Variants in RAB23 observed in about 807,000 individuals in gnomAD.
RAB23 encodes the protein ras-related protein Rab-23.
A neutral mutation model predicts 30.0 loss-of-function variants in RAB23; 15 were observed. The ratio of observed to expected loss-of-function variants is 0.50; its 90% CI spans 0.33 to 0.77. The LOEUF is 0.77. Among genes scored for constraint, RAB23 ranks in the 30% least tolerant of loss-of-function variants. The pLI, the probability that RAB23 is intolerant of heterozygous loss-of-function variation, is 0.02. For missense variants in RAB23, 243 were observed against 275.4 expected (o/e 0.88, Z 0.83); for synonymous variants, 93 against 94.0 (o/e 0.99, Z 0.06).
At chr6:57,214,054 A>G (rs892527466) in intron 1 of RAB23, among the ~76,000 whole-genome samples, 5 of 152,032 alleles carry the variant, frequency 3.3e-5, no homozygotes, top group African/African-American at 1.2e-4. Context: ...GCATCCCTAG[A>G]GACCATGTGG....
At chr6:57,215,428 A>C (rs1044417387) in intron 1 of RAB23, among the ~76,000 whole-genome samples, 6 of 152,250 alleles carry the variant, frequency 3.9e-5, no homozygotes, top group Non-Finnish European at 8.8e-5. Flanking sequence ...GGATGGGGAA[A>C]AGTAATTTGA....
At chr6:57,213,237 C>A (rs956992891) in intron 1 of RAB23, among the ~76,000 whole-genome samples, 4 of 152,310 alleles carry the variant, frequency 2.6e-5, no homozygotes, top group African/African-American at 9.6e-5. Flanking sequence ...GTAATGCTCG[C>A]AGCCACTCAC....
At position 57,189,993 on chromosome 6, in the gene RAB23, G is replaced by T. The variant is rs576125596; in HGVS notation, c.*468C>A. On this transcript the variant is annotated 3_prime_UTR_variant, in exon 7 of 7. Coordinates refer to ENST00000468148, the MANE Select transcript of RAB23 (RefSeq NM_016277.5). ...CAATGCCAAAATACTAATGCAGTCTGGCAAGATTTAGGGTTTACCTTTCAG... is the reference window on the plus strand; with the variant it reads ...CAATGCCAAAATACTAATGCAGTCTTGCAAGATTTAGGGTTTACCTTTCAG... 4.4e-4 allele frequency: 88 copies of T among 198,372 alleles called. No individual in the cohort carries two copies. The highest frequency in any genetic ancestry group is 2.0e-3 in the African/African-American group (85 of 42,152). 12.3% of individuals were successfully genotyped at this position (198,372 alleles called of 1,614,324 possible).
rs143950347 is a variant in RAB23, at chr6:57,199,899, T to G, written c.242-3293A>C. ...CCATTTCCCCTAACTGAATATCATC[T>G]TCCATCTAGACAGATAAAATACTTT... is the stretch of plus-strand genomic sequence containing the variant. On this transcript the variant is annotated intron_variant, in intron 3 of 6. Coordinates refer to ENST00000468148, the MANE Select transcript of RAB23 (RefSeq NM_016277.5). 9.2e-3 allele frequency among the ~76,000 whole-genome samples: 1,399 copies of G among 152,344 alleles called. 11 individuals carry two copies. The highest frequency in any genetic ancestry group is 0.02 in the Middle Eastern group (6 of 294).
At chr6:57,207,301 G>A (rs542286241) in intron 3 of RAB23, among the ~76,000 whole-genome samples, 2 of 151,964 alleles carry the variant, frequency 1.3e-5, no homozygotes, top group Admixed American at 6.6e-5. Context: ...TTACTTTTTC[G>A]TATGTTAGCT....
intron 3 of RAB23, among the ~76,000 whole-genome samples, chr6:57,201,221 C>T (rs776810015): frequency 1.4e-4 from 22 of 152,022 alleles, no homozygotes; most frequent in African/African-American, 2.9e-4. Context: ...GCTGAGATTA[C>T]AGGCGCCCAC....
chr6:57,218,344 C>T (rs1003700251), intron 1 of RAB23, among the ~76,000 whole-genome samples: 10 of 152,128 alleles, frequency 6.6e-5, no homozygotes, highest in African/African-American at 2.4e-4. Flanking sequence ...ATATTTAAAA[C>T]ACAATACACT....
At position 57,187,341 on chromosome 6, in the gene RAB23, G is replaced by T. The variant is rs1374835289; in HGVS notation, c.*3120C>A. Reference sequence around the variant, plus strand: ...CTGGATATTTCAGAGTCTACTGCGGGTTTTAAATATTTTGTTAGCAAATGA... The same window carrying T: ...CTGGATATTTCAGAGTCTACTGCGGTTTTTAAATATTTTGTTAGCAAATGA... On this transcript the variant is annotated 3_prime_UTR_variant, in exon 7 of 7. Coordinates refer to ENST00000468148, the MANE Select transcript of RAB23 (RefSeq NM_016277.5). 2 of 152,108 alleles carry T rather than the reference G, an allele frequency of 1.3e-5. No homozygotes were observed. Among genetic ancestry groups the T allele is most frequent in the Non-Finnish European group, 2.9e-5 (2 of 68,012 alleles). 9.4% of individuals were successfully genotyped at this position (152,108 alleles called of 1,614,324 possible). A position where few individuals can be genotyped will look rare whatever the true frequency, so the allele number is the denominator to read the frequency against.
chr6:57,206,672 A>C (rs1325057207), intron 3 of RAB23, among the ~76,000 whole-genome samples: 1 of 152,168 alleles, frequency 6.6e-6, no homozygotes, highest in African/African-American at 2.4e-5. Flanking sequence ...GAAACAAGAC[A>C]ACCTCTGCCG....
rs571856902 is a variant in RAB23 at position 57,188,120 on chromosome 6, G to T, written c.*2341C>A. 3.9e-5 allele frequency: 6 copies of T among 152,184 alleles called. No individual in the cohort carries two copies. Among genetic ancestry groups the T allele is most frequent in the Non-Finnish European group, 8.8e-5 (6 of 67,960 alleles). The allele number at this position is 152,184 out of a possible 1,614,324, so 9.4% of individuals were successfully genotyped here. On this transcript the variant is annotated 3_prime_UTR_variant, in exon 7 of 7. Coordinates refer to ENST00000468148, the MANE Select transcript of RAB23 (RefSeq NM_016277.5). ...AAATGCACAATCACCTGGAATCTTG[G>T]AAAAGTTTTTCTTTAGTATACATGG...
intron 2 of RAB23, 149 bp from the exon 3 acceptor site, chr6:57,207,862 G>A: frequency 3.3e-6 from 2 of 611,358 alleles, no homozygotes; most frequent in Non-Finnish European, 5.7e-6. Flanking sequence ...AACCTACTGG[G>A]GGTTACATCC....
intron 1 of RAB23, among the ~76,000 whole-genome samples, chr6:57,212,869 G>C (rs1176995696): frequency 6.6e-6 from 1 of 152,076 alleles, no homozygotes. Flanking sequence ...GGGTGACAGA[G>C]CGAGGCCCTG....
At chr6:57,198,202 C>T (rs143710065) in intron 3 of RAB23, among the ~76,000 whole-genome samples, 31 of 152,096 alleles carry the variant, frequency 2.0e-4, no homozygotes, top group East Asian at 7.7e-4. Flanking sequence ...ATTAGTATAC[C>T]GATAAATAAA....
intron 4 of RAB23, among the ~76,000 whole-genome samples, chr6:57,195,360 G>A (rs544681929): frequency 1.3e-5 from 2 of 152,206 alleles, no homozygotes; most frequent in South Asian, 4.1e-4. Flanking sequence ...TCTCCAAATT[G>A]TACTCCTAAT....
At chr6:57,202,310 C>T (rs1765297818) in intron 3 of RAB23, among the ~76,000 whole-genome samples, 1 of 152,200 alleles carries the variant, frequency 6.6e-6, no homozygotes, top group African/African-American at 2.4e-5. Flanking sequence ...AAACACCTTT[C>T]CCCCACTGTA....
chr6:57,194,347 C>T (rs1274438835), intron 5 of RAB23, among the ~76,000 whole-genome samples: 1 of 151,764 alleles, frequency 6.6e-6, no homozygotes, highest in Non-Finnish European at 1.5e-5. Flanking sequence ...AATAACTTAC[C>T]ATCTTTTTCT....
At chr6:57,217,581 T>C (rs1765898119) in intron 1 of RAB23, among the ~76,000 whole-genome samples, 1 of 152,250 alleles carries the variant, frequency 6.6e-6, no homozygotes, top group Non-Finnish European at 1.5e-5. Flanking sequence ...GTGCTGGGAC[T>C]ACAGGCGTGA....
At position 57,187,265 on chromosome 6, in the gene RAB23, A is replaced by G. The variant is rs1398739563; in HGVS notation, c.*3196T>C. ...TTTCGAGAGACAGATGAAAATAATA[A>G]TAATAAAGATTATTATAGCCAAATC... is the stretch of plus-strand genomic sequence containing the variant. On this transcript the variant is annotated 3_prime_UTR_variant, in exon 7 of 7. Transcript: ENST00000468148. 1 of 152,206 alleles carries G rather than the reference A, an allele frequency of 6.6e-6. No individual in the cohort carries two copies. The highest frequency in any genetic ancestry group is 1.5e-5 in the Non-Finnish European group (1 of 68,042). The allele number at this position is 152,206 out of a possible 1,614,324, so 9.4% of individuals were successfully genotyped here. A position where few individuals can be genotyped will look rare whatever the true frequency, so the allele number is the denominator to read the frequency against.
In RAB23 at chr6:57,196,618, C is replaced by CAATG; in HGVS notation, c.242-13_242-12insCATT. On this transcript the variant is annotated splice_polypyrimidine_tract_variant and intron_variant, in intron 3 of 6. Coordinates refer to ENST00000468148, the MANE Select transcript of RAB23 (RefSeq NM_016277.5). ...ACAAGCCTGGGCTCCTGTAAGTTCA[C>CAATG]AATCAATCAATCAATCAATCAAGGT... 6.2e-7 allele frequency: 1 copy of CAATG among 1,603,044 alleles called. No individual in the cohort carries two copies. Among genetic ancestry groups the CAATG allele is most frequent in the Non-Finnish European group, 8.5e-7 (1 of 1,173,286 alleles).
Sources: allele counts gnomAD v4.1 joint callset (sites outside exome capture counted in the v4.1 genomes callset), GRCh38; gene constraint gnomAD v4.1.1; transcripts MANE v1.5; gene names NCBI Gene and HGNC (gene_info 2026-07-23, HGNC 2026-07-21).